The following LRRTM3 variants were observed in gnomAD, a reference collection of about 807,000 sequenced individuals.
LRRTM3 encodes the protein leucine rich repeat transmembrane neuronal 3, also known as leucine-rich repeat transmembrane neuronal protein 3.
A neutral mutation model predicts 44.7 loss-of-function variants in LRRTM3; 24 were observed. The ratio of observed to expected loss-of-function variants is 0.54; its 90% confidence interval spans 0.39 to 0.76. LRRTM3 has a LOEUF of 0.76. Ranked by LOEUF, LRRTM3 falls within the 30% of genes least tolerant of loss-of-function variation. The probability of loss-of-function intolerance (pLI) is 0.00; values close to 1 mark genes in which losing one functional copy is unlikely to be tolerated. For missense variants in LRRTM3, 587 were observed against 702.2 expected (o/e 0.84, Z 1.85); for synonymous variants, 277 against 278.7 (o/e 0.99, Z 0.06).
chr10:66,990,481 C>T lies in LRRTM3; in HGVS notation c.1536+62029C>T, dbSNP rs117835016. ...ATATTATTCCAGGGATGTTTGCAGACGGAACCTATTTAGATTTTTTTGTAC... is the reference window on the plus strand; with the variant it reads ...ATATTATTCCAGGGATGTTTGCAGATGGAACCTATTTAGATTTTTTTGTAC... On this transcript the variant is annotated intron_variant, in intron 2 of 2. Transcript: ENST00000361320. Among the ~76,000 whole-genome samples, 14 of 152,222 alleles carry T rather than the reference C, an allele frequency of 9.2e-5. No homozygotes were observed. In the East Asian group the frequency reaches 2.1e-3, roughly 23 times the overall value.
intron 2 of LRRTM3, among the ~76,000 whole-genome samples, chr10:66,979,130 A>T (rs1339740182): frequency 6.6e-6 from 1 of 151,664 alleles, no homozygotes; most frequent in Non-Finnish European, 1.5e-5. Flanking sequence ...ACACCTGGCT[A>T]ATTTAATTTT....
At chr10:67,055,163 C>T (rs1319223872) in intron 2 of LRRTM3, 4 of 152,158 alleles carry the variant, frequency 2.6e-5, no homozygotes, top group Admixed American at 6.5e-5. Flanking sequence ...ATCTTTGAGA[C>T]AGCTGCATAG....
At position 66,928,380 on chromosome 10, in the gene LRRTM3, G is replaced by A. The variant is rs773353960; in HGVS notation, c.1464G>A (p.Thr488=). Residue 488 remains threonine (T), a synonymous_variant, in exon 2 of 3, where the codon ACG becomes ACA. Transcript: ENST00000361320. ...ATGTAGATTATAAACCCACCAACACGGAGACCAGCGAGATGCTGCTGAATG... is the reference window on the plus strand; with the variant it reads ...ATGTAGATTATAAACCCACCAACACAGAGACCAGCGAGATGCTGCTGAATG... The part of the protein sequence containing the change: ...EFYVDYKPTN[T]ETSEMLLNGT... The A allele has an allele frequency of 1.2e-6, 2 of 1,614,110 alleles. No individual in the cohort carries two copies. Among genetic ancestry groups the A allele is most frequent in the South Asian group, 2.2e-5 (2 of 91,064 alleles).
chr10:67,051,336 GA>G (rs148545414), intron 2 of LRRTM3, among the ~76,000 whole-genome samples: 1,659 of 152,272 alleles, frequency 0.011, 34 homozygotes, highest in African/African-American at 0.038. Context: ...CTTATCTATG[GA>G]AAGGGAAGTT....
intron 2 of LRRTM3, among the ~76,000 whole-genome samples, chr10:66,952,470 C>A (rs577989494): frequency 2.6e-5 from 4 of 152,068 alleles, no homozygotes. Flanking sequence ...TCAGGGTATG[C>A]CGTCTTGTTT....
At chr10:66,931,836 A>G (rs531108119) in intron 2 of LRRTM3, among the ~76,000 whole-genome samples, 3 of 152,246 alleles carry the variant, frequency 2.0e-5, no homozygotes, top group Non-Finnish European at 4.4e-5. Context: ...AAGAATAGAT[A>G]AGAAATATTT....
At chr10:67,054,642 G>A (rs1855314213) in intron 2 of LRRTM3, 1 of 152,134 alleles carries the variant, frequency 6.6e-6, no homozygotes, top group Admixed American at 6.5e-5. Flanking sequence ...TATTTCCAAT[G>A]GCGGGAGACA....
rs1856777617 is a variant in LRRTM3, at chr10:67,076,938, TCTC to T, written c.1537-20645_1537-20643del. On this transcript the variant is annotated intron_variant, in intron 2 of 2. Transcript: ENST00000361320. The stretch of plus-strand genomic sequence containing the variant: ...ACATCTCCATTGGACTATGTCAAAA[TCTC>T]CTCGTCTTTATCACGTCTAACACCA... Among the ~76,000 whole-genome samples, 5 of 152,204 alleles carry T rather than the reference TCTC, an allele frequency of 3.3e-5. No individual in the cohort carries two copies. In the South Asian group the frequency reaches 1.0e-3, roughly 31 times the overall value.
chr10:66,938,668 C>A (rs559170576), intron 2 of LRRTM3, among the ~76,000 whole-genome samples: 9 of 151,932 alleles, frequency 5.9e-5, no homozygotes, highest in Non-Finnish European at 1.3e-4. Context: ...AAAGGTTAAT[C>A]GTATTCTTAG....
At chr10:67,095,317 C>T (rs1050043118) in intron 2 of LRRTM3, among the ~76,000 whole-genome samples, 3 of 151,672 alleles carry the variant, frequency 2.0e-5, no homozygotes, top group African/African-American at 7.2e-5. Context: ...AAGTTCCATC[C>T]TAATTTCAGA....
chr10:67,068,182 A>G lies in LRRTM3; in HGVS notation c.1537-29405A>G, dbSNP rs184353855. On this transcript the variant is annotated intron_variant, in intron 2 of 2. Transcript: ENST00000361320. ...AGTGGAAAATAGAAGAGAAGGGGGG[A>G]AGGATATATAATATTAGAAAAGAAG... Among the ~76,000 whole-genome samples the G allele has an allele frequency of 2.0e-3, 298 of 152,292 alleles. 3 individuals are homozygous for G. The highest frequency in any genetic ancestry group is 0.01 in the Middle Eastern group (3 of 294).
chr10:67,048,441 GATTT>G (rs1277318502), intron 2 of LRRTM3, among the ~76,000 whole-genome samples: 1 of 151,976 alleles, frequency 6.6e-6, no homozygotes, highest in African/African-American at 2.4e-5. Flanking sequence ...AAAGAATGAT[GATTT>G]TCATTCACTG....
intron 2 of LRRTM3, among the ~76,000 whole-genome samples, chr10:67,082,262 C>T (rs192890603): frequency 5.3e-5 from 8 of 152,172 alleles, no homozygotes; most frequent in South Asian, 4.1e-4. Flanking sequence ...TGGTTTTAAC[C>T]GCTGCTTGCT....
chr10:66,980,602 C>G (rs1406583251), intron 2 of LRRTM3, among the ~76,000 whole-genome samples: 1 of 152,126 alleles, frequency 6.6e-6, no homozygotes, highest in South Asian at 2.1e-4. Context: ...TGAGTAGCAA[C>G]GTGGCAGATG....
intron 2 of LRRTM3, among the ~76,000 whole-genome samples, chr10:66,979,306 T>A (rs1204551742): frequency 6.6e-6 from 1 of 152,146 alleles, no homozygotes; most frequent in East Asian, 1.9e-4. Context: ...AATTGGTTCA[T>A]CCTAAAGTGA....
chr10:66,932,533 ATTG>A (rs1196839122), intron 2 of LRRTM3, among the ~76,000 whole-genome samples: 2 of 152,138 alleles, frequency 1.3e-5, no homozygotes, highest in Non-Finnish European at 2.9e-5. Context: ...GAGTTTTGCT[ATTG>A]TTGTATTCTC....
intron 2 of LRRTM3, among the ~76,000 whole-genome samples, chr10:67,091,859 C>T (rs1470046629): frequency 6.6e-6 from 1 of 151,832 alleles, no homozygotes. Flanking sequence ...GGAAGAGGAA[C>T]CAGTTTGTAT....
chr10:67,011,988 C>G (rs995418273), intron 2 of LRRTM3, among the ~76,000 whole-genome samples: 4 of 152,080 alleles, frequency 2.6e-5, no homozygotes, highest in African/African-American at 9.7e-5. Flanking sequence ...TCTGTCATTT[C>G]AAGAACTCTA....
At chr10:66,939,872 A>G (rs1847904173) in intron 2 of LRRTM3, among the ~76,000 whole-genome samples, 1 of 152,194 alleles carries the variant, frequency 6.6e-6, no homozygotes, top group Non-Finnish European at 1.5e-5. Context: ...TGTACTTGTA[A>G]CAATCTTCCA....
Sources: gnomAD v4.1 joint callset for allele counts (sites outside exome capture counted in the v4.1 genomes callset) on GRCh38, gnomAD v4.1.1 for gene constraint, MANE v1.5 for transcripts, NCBI Gene and HGNC (gene_info 2026-07-23, HGNC 2026-07-21) for gene names.